The following ELAPOR1 variants were observed in gnomAD, a reference collection of about 807,000 sequenced individuals.
The protein encoded by ELAPOR1 is endosome/lysosome-associated apoptosis and autophagy regulator 1.
A neutral mutation model predicts 119.7 loss-of-function variants in ELAPOR1; 77 were observed. The ratio of observed to expected loss-of-function variants is 0.64; its 90% confidence interval spans 0.54 to 0.78. The LOEUF (loss-of-function observed/expected upper bound fraction) is 0.78, where lower values mean the gene tolerates loss of function less well. ELAPOR1 is among the 30% of genes least tolerant of loss of function. The pLI is 0.00. For missense variants in ELAPOR1, 1,115 were observed against 1,270.4 expected (o/e 0.88, Z 1.86); for synonymous variants, 481 against 487.2 (o/e 0.99, Z 0.17).
chr1:109,114,130 G>A lies in ELAPOR1; in HGVS notation c.-54G>A, dbSNP rs1404703297. 41 of 1,468,180 alleles carry A rather than the reference G, an allele frequency of 2.8e-5. No homozygotes were observed. The highest frequency in any genetic ancestry group is 3.4e-5 in the Non-Finnish European group (38 of 1,104,132). The allele number at this position is 1,468,180 out of a possible 1,614,324, so 90.9% of individuals were successfully genotyped here. Reference sequence around the variant, plus strand: ...CCTTTTTTTCCGCCTTCTGCCAGCAGAAGCAGCAGCCGCAGCACCTGAGCC... The same window carrying A: ...CCTTTTTTTCCGCCTTCTGCCAGCAAAAGCAGCAGCCGCAGCACCTGAGCC... On this transcript the variant is annotated 5_prime_UTR_variant, in exon 1 of 22. Coordinates refer to ENST00000369939, the MANE Select transcript of ELAPOR1 (RefSeq NM_020775.5).
Position 109,164,431 on chromosome 1 carries a change from C to G in ELAPOR1, c.275-68C>G, listed in dbSNP as rs115031594. ...CCCAGCGCTCCTCCCTTCAGCTGCTCGCAGCCCATTCACTTCTGGGGCTGC... is the reference window on the plus strand; with the variant it reads ...CCCAGCGCTCCTCCCTTCAGCTGCTGGCAGCCCATTCACTTCTGGGGCTGC... On this transcript the variant is annotated intron_variant, in intron 2 of 21. Coordinates refer to ENST00000369939, the MANE Select transcript of ELAPOR1 (RefSeq NM_020775.5). 5 of 1,412,708 alleles carry G rather than the reference C, an allele frequency of 3.5e-6. No individual in the cohort carries two copies. The African/African-American group carries it at 4.2e-5, about 12-fold the overall frequency. 87.5% of individuals were successfully genotyped at this position (1,412,708 alleles called of 1,614,324 possible).
At chr1:109,127,605 C>T (rs1648872642) in intron 1 of ELAPOR1, among the ~76,000 whole-genome samples, 1 of 151,432 alleles carries the variant, frequency 6.6e-6, no homozygotes, top group South Asian at 2.1e-4. Flanking sequence ...TCCTACTCTT[C>T]ACCCAGGCTG....
At chr1:109,159,433 C>T (rs1160699513) in intron 1 of ELAPOR1, among the ~76,000 whole-genome samples, 7 of 152,194 alleles carry the variant, frequency 4.6e-5, no homozygotes, top group Non-Finnish European at 1.0e-4. Context: ...CCATGTGCCT[C>T]TAAGAGGCCA....
At chr1:109,145,147 G>A (rs1209685927) in intron 1 of ELAPOR1, among the ~76,000 whole-genome samples, 5 of 152,090 alleles carry the variant, frequency 3.3e-5, no homozygotes, top group African/African-American at 1.2e-4. Flanking sequence ...TTATAAAGGA[G>A]CATGACAGGG....
intron 21 of ELAPOR1, 23 bp from the exon 22 acceptor site, chr1:109,202,921 T>C (rs1240690162): frequency 1.2e-6 from 2 of 1,613,978 alleles, no homozygotes; most frequent in South Asian, 1.1e-5. Context: ...AGCAGCCAGC[T>C]CCTGTCACCA....
chr1:109,142,475 T>A (rs145531859), intron 1 of ELAPOR1, among the ~76,000 whole-genome samples: 11,018 of 152,274 alleles, frequency 0.072, 444 homozygotes, highest in Non-Finnish European at 0.09. Context: ...AATCTCAAGC[T>A]ATCAGTGTCA....
rs749318001 is a variant in ELAPOR1, at chr1:109,171,871, A to G, written c.473A>G (p.Lys158Arg). 6 of 1,614,190 alleles carry G rather than the reference A, an allele frequency of 3.7e-6. No homozygotes were observed. The highest frequency in any genetic ancestry group is 3.3e-5 in the Admixed American group (2 of 60,024). Residue 158 changes from lysine to arginine, a missense_variant, in exon 4 of 22, where the codon AAG becomes AGG. Transcript: ENST00000369939. ...TGGTTCCTGTTCCTTCACAGGTCCA[A>G]GTGGGTTCCCCGGGGCGACTACATC... ...AESTGNCTSS[K>R]WVPRGDYIAS...
chr1:109,196,163 A>G (rs1383645561), intron 15 of ELAPOR1, among the ~76,000 whole-genome samples: 2 of 152,192 alleles, frequency 1.3e-5, no homozygotes, highest in African/African-American at 4.8e-5. Context: ...CTAAAAAAAA[A>G]AGTGACAATA....
chr1:109,205,092 C>T lies in ELAPOR1; in HGVS notation c.*2080C>T, dbSNP rs1339413027. ...CCCATTTTCCCCAATTTTACACAAACTATTATCAATGAACTTTTAAGTACC... is the reference window on the plus strand; with the variant it reads ...CCCATTTTCCCCAATTTTACACAAATTATTATCAATGAACTTTTAAGTACC... On this transcript the variant is annotated 3_prime_UTR_variant, in exon 22 of 22. Coordinates refer to ENST00000369939, the MANE Select transcript of ELAPOR1 (RefSeq NM_020775.5). 1 of 152,180 alleles carries T rather than the reference C, an allele frequency of 6.6e-6. No individual in the cohort carries two copies. Among genetic ancestry groups the T allele is most frequent in the Non-Finnish European group, 1.5e-5 (1 of 68,040 alleles). 9.4% of individuals were successfully genotyped at this position (152,180 alleles called of 1,614,324 possible). A position where few individuals can be genotyped will look rare whatever the true frequency, so the allele number is the denominator to read the frequency against.
At chr1:109,194,717 G>T in intron 15 of ELAPOR1, 123 bp downstream of exon 15, 2 of 792,494 alleles carry the variant, frequency 2.5e-6, no homozygotes, top group African/African-American at 1.7e-5. Flanking sequence ...GAGCTTCAAA[G>T]GTTTTTACAT....
At chr1:109,171,391 A>C (rs561880288) in intron 3 of ELAPOR1, among the ~76,000 whole-genome samples, 1 of 152,122 alleles carries the variant, frequency 6.6e-6, no homozygotes, top group Admixed American at 6.6e-5. Context: ...CTACTAAAAA[A>C]AAATACAGAA....
intron 7 of ELAPOR1, among the ~76,000 whole-genome samples, chr1:109,181,251 G>C (rs1170565789): frequency 6.6e-6 from 1 of 152,184 alleles, no homozygotes; most frequent in Non-Finnish European, 1.5e-5. Context: ...TGTACTCCTG[G>C]AGGTGGGGGG....
chr1:109,190,569 G>A (rs986312271), intron 11 of ELAPOR1, among the ~76,000 whole-genome samples: 1 of 152,252 alleles, frequency 6.6e-6, no homozygotes, highest in African/African-American at 2.4e-5. Flanking sequence ...TCCCTGGGAT[G>A]TTGCTCAGTT....
At chr1:109,202,774 C>A in intron 21 of ELAPOR1, 170 bp from the exon 22 acceptor site, 1 of 730,846 alleles carries the variant, frequency 1.4e-6, no homozygotes, top group Admixed American at 2.1e-5. Context: ...CTCCAACTGA[C>A]CCTGAAGGGA....
At chr1:109,184,987 C>A in intron 7 of ELAPOR1, 58 bp from the exon 8 acceptor site, 1 of 1,362,482 alleles carries the variant, frequency 7.3e-7, no homozygotes, top group Non-Finnish European at 1.1e-6. Flanking sequence ...CATGAAGAGG[C>A]CAGGAGCTCA....
chr1:109,177,260 C>CG (rs1216968451), intron 7 of ELAPOR1, among the ~76,000 whole-genome samples: 1 of 142,968 alleles, frequency 7.0e-6, no homozygotes, highest in Middle Eastern at 3.4e-3. Flanking sequence ...CCCTCCCGGA[C>CG]GGGGCGGCTG....
At chr1:109,159,431 C>A (rs1331732643) in intron 1 of ELAPOR1, among the ~76,000 whole-genome samples, 2 of 152,190 alleles carry the variant, frequency 1.3e-5, no homozygotes, top group African/African-American at 2.4e-5. Flanking sequence ...GCCCATGTGC[C>A]TCTAAGAGGC....
intron 1 of ELAPOR1, among the ~76,000 whole-genome samples, chr1:109,130,749 C>T (rs1222949513): frequency 6.6e-6 from 1 of 152,158 alleles, no homozygotes; most frequent in Non-Finnish European, 1.5e-5. Context: ...AAACTATAAT[C>T]TTTTTCAAAA....
rs74340810 is a variant in ELAPOR1 at position 109,186,421 on chromosome 1, A to G, written c.1041+1288A>G. ...GCATGATGCTTGGCTCTTAGGGAGC[A>G]TAAACATTTGCTGGCTGGGCGGCTG... On this transcript the variant is annotated intron_variant, in intron 8 of 21. Transcript: ENST00000369939. 4,637 of 856,644 alleles carry G rather than the reference A, an allele frequency of 5.4e-3. 128 individuals are homozygous for G. In the African/African-American group the frequency reaches 0.062, roughly 11 times the overall value. The allele number at this position is 856,644 out of a possible 1,614,324, so 53.1% of individuals were successfully genotyped here.
Sources: gnomAD v4.1 joint callset for allele counts (sites outside exome capture counted in the v4.1 genomes callset) on GRCh38, gnomAD v4.1.1 for gene constraint, MANE v1.5 for transcripts, NCBI Gene and HGNC (gene_info 2026-07-23, HGNC 2026-07-21) for gene names.